ZNF337: variants seen among roughly 807,000 people sequenced by gnomAD.
ZNF337 encodes zinc finger protein 337.
In ZNF337, 8 loss-of-function variants were observed where a neutral mutation model predicts 12.1. That is an observed-to-expected ratio of 0.66 (90% CI 0.39 to 1.19). The LOEUF (loss-of-function observed/expected upper bound fraction) is 1.19. Ranked by LOEUF, ZNF337 falls within the 50% of genes most tolerant of loss-of-function variation. The pLI, the probability that ZNF337 is intolerant of heterozygous loss-of-function variation, is 0.01. For missense variants in ZNF337, 882 were observed against 896.6 expected (o/e 0.98, Z 0.21); for synonymous variants, 336 against 320.0 (o/e 1.05, Z -0.53).
chr20:25,696,646 G>C, intron 1 of ZNF337, 113 bp downstream of exon 1: 2 of 759,384 alleles, frequency 2.6e-6, no homozygotes, highest in Non-Finnish European at 3.2e-6. Context: ...GCCGGGCCTG[G>C]AGGAGCGCGC....
rs185056804 is a variant in ZNF337, at chr20:25,673,345, A to G, written c.*1687T>C. 2.3e-4 allele frequency among the ~76,000 whole-genome samples: 35 copies of G among 152,332 alleles called. No individual in the cohort carries two copies. The highest frequency in any genetic ancestry group is 8.2e-4 in the African/African-American group (34 of 41,590). ...ATTTACAAAAGGATAGGCATATTGC[A>G]TGTATCTTCCCTGTGCTGGACAAGG... On this transcript the variant is annotated 3_prime_UTR_variant, in exon 5 of 5. Coordinates refer to ENST00000252979, the MANE Select transcript of ZNF337 (RefSeq NM_015655.4).
intron 1 of ZNF337, among the ~76,000 whole-genome samples, chr20:25,693,862 AGAG>A (rs895373950): frequency 1.3e-5 from 2 of 152,188 alleles, no homozygotes; most frequent in African/African-American, 4.8e-5. Context: ...GAGTGGAGGA[AGAG>A]GAGCTGGGGA....
intron 1 of ZNF337, chr20:25,687,027 A>T (rs2065840305): frequency 6.6e-6 from 1 of 152,374 alleles, no homozygotes; most frequent in South Asian, 2.1e-4. Flanking sequence ...TGCAATTTGG[A>T]TCCTGATTGC....
At chr20:25,695,329 T>G (rs2065912563) in intron 1 of ZNF337, among the ~76,000 whole-genome samples, 1 of 152,104 alleles carries the variant, frequency 6.6e-6, no homozygotes, top group Non-Finnish European at 1.5e-5. Flanking sequence ...TACCATCTAT[T>G]CTGAGAGTTG....
chr20:25,690,250 G>C (rs1005367368), intron 1 of ZNF337, among the ~76,000 whole-genome samples: 3 of 152,202 alleles, frequency 2.0e-5, no homozygotes, highest in Admixed American at 2.0e-4. Flanking sequence ...TTGGGCAACA[G>C]AGCAAGACAT....
intron 4 of ZNF337, chr20:25,680,697 GATA>G (rs1353442408): frequency 1.3e-5 from 2 of 152,042 alleles, no homozygotes; most frequent in Non-Finnish European, 2.9e-5. Context: ...TGATCACTCG[GATA>G]ATGACAGTTA....
chr20:25,684,907 A>G lies in ZNF337; in HGVS notation c.250+660T>C, dbSNP rs548675946. On this transcript the variant is annotated intron_variant, in intron 4 of 4. Transcript: ENST00000252979. Reference sequence around the variant, plus strand: ...AATCAAACACTATATGTTCTCACTCATAAGTGGGAGTTGAACCATGAAAAC... The same window carrying G: ...AATCAAACACTATATGTTCTCACTCGTAAGTGGGAGTTGAACCATGAAAAC... Among the ~76,000 whole-genome samples, 6 of 152,078 alleles carry G rather than the reference A, an allele frequency of 3.9e-5. No individual in the cohort carries two copies. In the East Asian group the frequency reaches 7.8e-4, roughly 20 times the overall value.
rs2065663250 is a variant in ZNF337, at chr20:25,675,171, A to G, written c.2117T>C (p.Ile706Thr). 6.2e-7 allele frequency: 1 copy of G among 1,614,192 alleles called. No individual in the cohort carries two copies. Among genetic ancestry groups the G allele is most frequent in the African/African-American group, 1.3e-5 (1 of 75,038 alleles). Residue 706 changes from isoleucine (I) to threonine (T), a missense_variant, in exon 5 of 5, where the codon ATA (isoleucine) becomes ACA (threonine). Transcript: ENST00000252979. ...SKSDLTVHER[I>T]HTGERPYECQ... is the part of the protein sequence containing the mutation. ...TTCATAAGGCCTCTCTCCTGTGTGT[A>G]TTCTTTCATGCACAGTGAGGTCTGA...
Position 25,676,039 on chromosome 20 carries a change from A to T in ZNF337, c.1249T>A (p.Ser417Thr). The T allele has an allele frequency of 6.2e-7, 1 of 1,613,936 alleles. No homozygotes were observed. Among genetic ancestry groups the T allele is most frequent in the Non-Finnish European group, 8.5e-7 (1 of 1,179,962 alleles). ...KDCERSFSQK[S>T]TLVYHQRTHS... ...GTTCTCTGGTGGTAGACAAGAGTTG[A>T]CTTTTGGCTAAAGCTTCGCTCACAA... is the stretch of plus-strand genomic sequence containing the variant. Residue 417 changes from serine (S) to threonine (T), a missense_variant, in exon 5 of 5, where the codon TCA becomes ACA. Physicochemically the swap from Ser to Thr is moderately conservative, Grantham distance 58. Transcript: ENST00000252979.
In ZNF337 at chr20:25,675,130, G is replaced by A. The variant is rs369850723; in HGVS notation, c.2158C>T (p.Arg720Ter). Residue 720 changes from arginine (R) to a stop codon, truncating the protein, a stop_gained, in exon 5 of 5, where the codon CGA (arginine) becomes TGA (stop). Coordinates refer to ENST00000252979, the MANE Select transcript of ZNF337 (RefSeq NM_015655.4). LOFTEE classifies it low-confidence loss of function (END_TRUNC). ...TAGTATGACTTATTGCTAAACTTTC[G>A]TCCACACTCTTGGCATTCATAAGGC... Reference protein sequence around the residue: ...ERPYECQECGRKFSNKSYYSK... With the variant: ...ERPYECQECG 13 of 1,613,910 alleles carry A rather than the reference G, an allele frequency of 8.1e-6. No individual in the cohort carries two copies. Among genetic ancestry groups the A allele is most frequent in the South Asian group, 6.6e-5 (6 of 91,080 alleles).
At chr20:25,692,038 T>C (rs971438460) in intron 1 of ZNF337, among the ~76,000 whole-genome samples, 20 of 152,100 alleles carry the variant, frequency 1.3e-4, no homozygotes, top group African/African-American at 4.8e-4. Flanking sequence ...GAAAAAGCTA[T>C]GGCAAGGAAA....
chr20:25,680,164 C>A (rs2065753819), intron 4 of ZNF337, among the ~76,000 whole-genome samples: 1 of 151,938 alleles, frequency 6.6e-6, no homozygotes, highest in African/African-American at 2.4e-5. Context: ...GAACGAAGAG[C>A]AGTTGATTAT....
In ZNF337 at chr20:25,675,738, A is replaced by G; in HGVS notation, c.1550T>C (p.Phe517Ser). The change falls in exon 5 of 5, where the codon TTC (phenylalanine) becomes TCC (serine). Residue 517 changes from phenylalanine (F) to serine (S), a missense_variant. Physicochemically the swap from Phe to Ser is radical, Grantham distance 155. Coordinates refer to ENST00000252979, the MANE Select transcript of ZNF337 (RefSeq NM_015655.4). Reference protein sequence around the residue: ...LRAHLGEKRFFCRDCGRGFTL... With the variant: ...LRAHLGEKRFSCRDCGRGFTL... ...AAAGCCTCGCCCACAATCCCTGCAGAAAAAACGTTTCTCACCCAAGTGTGC... is the reference window on the plus strand; with the variant it reads ...AAAGCCTCGCCCACAATCCCTGCAGGAAAAACGTTTCTCACCCAAGTGTGC... 6.2e-7 allele frequency: 1 copy of G among 1,613,752 alleles called. No individual in the cohort carries two copies. Among genetic ancestry groups the G allele is most frequent in the Non-Finnish European group, 8.5e-7 (1 of 1,179,946 alleles).
intron 1 of ZNF337, 52 bp downstream of exon 1, chr20:25,696,707 C>G (rs913660673): frequency 1.0e-6 from 1 of 981,388 alleles, no homozygotes; most frequent in Admixed American, 6.1e-5. Context: ...GGCCCTTCTT[C>G]CTGCGCCGGA....
At chr20:25,691,088 G>A (rs927344131) in intron 1 of ZNF337, among the ~76,000 whole-genome samples, 13 of 152,058 alleles carry the variant, frequency 8.5e-5, no homozygotes, top group African/African-American at 2.4e-4. Context: ...TAGAGAAAAG[G>A]AAATCAGGAA....
intron 4 of ZNF337, among the ~76,000 whole-genome samples, chr20:25,682,233 T>C (rs918304644): frequency 6.6e-6 from 1 of 152,180 alleles, no homozygotes; most frequent in Non-Finnish European, 1.5e-5. Context: ...TAACTATTAT[T>C]AGGTTTTACA....
At chr20:25,693,427 G>C (rs1403251900) in intron 1 of ZNF337, among the ~76,000 whole-genome samples, 5 of 152,198 alleles carry the variant, frequency 3.3e-5, no homozygotes, top group Non-Finnish European at 7.3e-5. Context: ...CTGTGAAATG[G>C]GGATTCCAAT....
intron 1 of ZNF337, among the ~76,000 whole-genome samples, chr20:25,696,267 T>C (rs796819360): frequency 1.3e-4 from 20 of 152,070 alleles, no homozygotes; most frequent in African/African-American, 4.8e-4. Flanking sequence ...CAATAAAGTC[T>C]GGAGCATCAG....
In ZNF337 at chr20:25,676,029, A is replaced by G; in HGVS notation, c.1259T>C (p.Val420Ala). Residue 420 changes from valine to alanine, a missense_variant, in exon 5 of 5, where the codon GTC (valine) becomes GCC (alanine). Val to Ala is a moderately conservative substitution (Grantham distance 64, BLOSUM62 0). Coordinates refer to ENST00000252979, the MANE Select transcript of ZNF337 (RefSeq NM_015655.4). ...CCCTGAGTGTGTTCTCTGGTGGTAG[A>G]CAAGAGTTGACTTTTGGCTAAAGCT... The part of the protein sequence containing the change: ...ERSFSQKSTL[V>A]YHQRTHSGEK... The G allele has an allele frequency of 6.2e-7, 1 of 1,613,998 alleles. No individual in the cohort carries two copies. Among genetic ancestry groups the G allele is most frequent in the South Asian group, 1.1e-5 (1 of 91,072 alleles).
Sources: allele counts gnomAD v4.1 joint callset (sites outside exome capture counted in the v4.1 genomes callset), GRCh38; gene constraint gnomAD v4.1.1; transcripts MANE v1.5; gene names NCBI Gene and HGNC (gene_info 2026-07-23, HGNC 2026-07-21).